The following MPZL2 variants were observed in gnomAD, a reference collection of about 807,000 sequenced individuals.
MPZL2 encodes myelin protein zero-like protein 2.
In MPZL2, 32 loss-of-function variants were observed where a neutral mutation model predicts 24.5. The ratio of observed to expected loss-of-function variants is 1.31; its 90% CI spans 0.99 to 1.76. The LOEUF (loss-of-function observed/expected upper bound fraction) is 1.76, where lower values mean the gene tolerates loss of function less well. Among genes scored for constraint, MPZL2 ranks in the 40% most tolerant of loss-of-function variants. MPZL2 has a pLI of 0.00. For synonymous variants in MPZL2, 92 were observed against 97.9 expected, an observed-to-expected ratio of 0.94 and a Z score of 0.36; for missense variants, 304 against 274.9, an observed-to-expected ratio of 1.11 and a Z score of -0.75.
chr11:118,262,188 C>T (rs553964150), intron 3 of MPZL2, among the ~76,000 whole-genome samples: 24 of 152,268 alleles, frequency 1.6e-4, no homozygotes, highest in African/African-American at 5.3e-4. Context: ...AATCTCAATG[C>T]CATTTTTGTA....
At position 118,254,657 on chromosome 11, in the gene MPZL2, C is replaced by T. The variant is rs1325777952; in HGVS notation, c.*589G>A. On this transcript the variant is annotated 3_prime_UTR_variant, in exon 6 of 6. Transcript: ENST00000278937. ...AATTAACAAAACAACAAAAATCTAT[C>T]ACCTGGAATATTGAAAGAAATTCAG... is the stretch of plus-strand genomic sequence containing the variant. 1.3e-5 allele frequency: 2 copies of T among 152,194 alleles called. No individual in the cohort carries two copies. The highest frequency in any genetic ancestry group is 2.9e-5 in the Non-Finnish European group (2 of 68,038). 9.4% of individuals were successfully genotyped at this position (152,194 alleles called of 1,614,324 possible).
In MPZL2 at chr11:118,262,458, C is replaced by T. The variant is rs75485914; in HGVS notation, c.416G>A (p.Arg139Gln). The T allele has an allele frequency of 1.1e-3, 1,740 of 1,614,018 alleles. 31 individuals carry two copies. The East Asian group carries it at 0.029, about 27-fold the overall frequency. The change falls in exon 3 of 6, where the codon CGG (arginine) becomes CAG (glutamine). Residue 139 changes from arginine to glutamine, a missense_variant. Physicochemically the swap from Arg to Gln is conservative, Grantham distance 43 (BLOSUM62 1). Coordinates refer to ENST00000278937, the MANE Select transcript of MPZL2 (RefSeq NM_005797.4). The part of the protein sequence containing the change: ...PDVDGVIGEI[R>Q]LSVVHTVRFS... ...CCTACCAGTGTGCACGACGCTGAGC[C>T]GGATCTCCCCTATCACCCCATCAAC... is the stretch of plus-strand genomic sequence containing the variant.
At chr11:118,261,556 C>A (rs1181250344) in intron 3 of MPZL2, among the ~76,000 whole-genome samples, 1 of 152,186 alleles carries the variant, frequency 6.6e-6, no homozygotes, top group African/African-American at 2.4e-5. Flanking sequence ...GGGACATATT[C>A]ACATTTATTA....
chr11:118,255,793 A>T (rs1485875736), intron 5 of MPZL2, among the ~76,000 whole-genome samples: 1 of 152,166 alleles, frequency 6.6e-6, no homozygotes, highest in Non-Finnish European at 1.5e-5. Context: ...ATACAAACTA[A>T]CAATAATTCC....
At chr11:118,255,768 C>A (rs563851884) in intron 5 of MPZL2, among the ~76,000 whole-genome samples, 13 of 152,088 alleles carry the variant, frequency 8.5e-5, no homozygotes, top group Non-Finnish European at 8.8e-5. Context: ...AACTACAATA[C>A]CATCACTATA....
rs757417021 is a variant in MPZL2 at position 118,263,088 on chromosome 11, G to C, written c.68C>G (p.Pro23Arg). Residue 23 changes from proline to arginine, a missense_variant, in exon 2 of 6, where the codon CCT (proline) becomes CGT (arginine). Pro to Arg is a moderately radical substitution (Grantham distance 103). Coordinates refer to ENST00000278937, the MANE Select transcript of MPZL2 (RefSeq NM_005797.4). The part of the protein sequence containing the change: ...LLGIQLTALW[P>R]IAAVEIYTSR... ...GGTATAAATTTCCACAGCTGCTATA[G>C]GCCAAAGAGCTGCAATGAAAAAGAA... is the stretch of plus-strand genomic sequence containing the variant. 2.9e-5 allele frequency: 47 copies of C among 1,613,276 alleles called. No individual in the cohort carries two copies. In the Admixed American group the frequency reaches 5.5e-4, roughly 19 times the overall value.
intron 5 of MPZL2, among the ~76,000 whole-genome samples, chr11:118,255,755 T>A (rs1397233702): frequency 6.6e-6 from 1 of 152,220 alleles, no homozygotes; most frequent in Non-Finnish European, 1.5e-5. Flanking sequence ...ACATTTTCTT[T>A]ATAACTACAA....
chr11:118,262,423 C>T lies in MPZL2; in HGVS notation c.436+15G>A, dbSNP rs373681195. The stretch of plus-strand genomic sequence containing the variant: ...TCTCATCCTTTCCAAAACCACTGTT[C>T]CCTGCATAACCTACCAGTGTGCACG... On this transcript the variant is annotated intron_variant, in intron 3 of 5. Transcript: ENST00000278937. 4 of 1,612,434 alleles carry T rather than the reference C, an allele frequency of 2.5e-6. No homozygotes were observed. The highest frequency in any genetic ancestry group is 1.7e-5 in the Admixed American group (1 of 60,006).
intron 3 of MPZL2, 35 bp downstream of exon 3, chr11:118,262,403 T>A: frequency 6.2e-7 from 1 of 1,603,120 alleles, no homozygotes. Flanking sequence ...CAAGCTCTCA[T>A]CCTTTCCAAA....
Position 118,262,499 on chromosome 11 carries a change from C to T in MPZL2, c.375G>A (p.Val125=), listed in dbSNP as rs1198678071. The T allele has an allele frequency of 3.7e-6, 6 of 1,614,178 alleles. No individual in the cohort carries two copies. In the South Asian group the frequency reaches 5.5e-5, roughly 15 times the overall value. The change falls in exon 3 of 6, where the codon GTG becomes GTA. Residue 125 remains valine, a synonymous_variant. Coordinates refer to ENST00000278937, the MANE Select transcript of MPZL2 (RefSeq NM_005797.4). ...FDDNGTYTCQ[V]KNPPDVDGVI... ...CCCCATCAACATCAGGTGGGTTCTT[C>T]ACCTGGCAGGTGTATGTCCCATTGT... is the stretch of plus-strand genomic sequence containing the variant.
chr11:118,255,988 A>G (rs1445801645), intron 5 of MPZL2, among the ~76,000 whole-genome samples: 2 of 152,142 alleles, frequency 1.3e-5, no homozygotes, highest in South Asian at 2.1e-4. Context: ...TTTATTTTCC[A>G]TGACCCCAAG....
chr11:118,257,394 A>AT lies in MPZL2; in HGVS notation c.585-82dup, dbSNP rs981993414. 5 of 1,157,566 alleles carry AT rather than the reference A, an allele frequency of 4.3e-6. No homozygotes were observed. In the African/African-American group the frequency reaches 4.7e-5, roughly 11 times the overall value. The allele number at this position is 1,157,566 out of a possible 1,614,324, so 71.7% of individuals were successfully genotyped here. ...ATCCCACAGAAGCTTCAGGTAAGGT[A>AT]TTTTTCCCCCATATTTTTGGAAGAA... On this transcript the variant is annotated intron_variant, in intron 4 of 5. Coordinates refer to ENST00000278937, the MANE Select transcript of MPZL2 (RefSeq NM_005797.4).
chr11:118,262,719 G>T, intron 2 of MPZL2, 71 bp from the exon 3 acceptor site: 1 of 1,494,216 alleles, frequency 6.7e-7, no homozygotes, highest in Non-Finnish European at 9.3e-7. Flanking sequence ...GGTGGGAGCG[G>T]AAGTGAAACA....
chr11:118,258,003 T>C (rs1381407607), intron 4 of MPZL2, among the ~76,000 whole-genome samples: 3 of 149,286 alleles, frequency 2.0e-5, no homozygotes, highest in African/African-American at 7.7e-5. Context: ...AGAGTGAAAG[T>C]CTGTCTCAAA....
chr11:118,259,988 C>A, intron 4 of MPZL2, 66 bp downstream of exon 4: 1 of 1,572,496 alleles, frequency 6.4e-7, no homozygotes, highest in Non-Finnish European at 8.7e-7. Flanking sequence ...AACTATTTAG[C>A]CCACTGCAAA....
chr11:118,262,932 A>C lies in MPZL2; in HGVS notation c.224T>G (p.Phe75Cys). 6.2e-7 allele frequency: 1 copy of C among 1,613,668 alleles called. No individual in the cohort carries two copies. The highest frequency in any genetic ancestry group is 8.5e-7 in the Non-Finnish European group (1 of 1,179,846). Reference protein sequence around the residue: ...FRPLDGGPEQFVFYYHIDPFQ... With the variant: ...FRPLDGGPEQCVFYYHIDPFQ... ...GGAAAATGATGATAATCTACTTACAAACTGCTCAGGTCCCCCGTCTAGAGG... is the reference window on the plus strand; with the variant it reads ...GGAAAATGATGATAATCTACTTACACACTGCTCAGGTCCCCCGTCTAGAGG... The change falls in exon 2 of 6, where the codon TTT (phenylalanine) becomes TGT (cysteine). Residue 75 changes from phenylalanine to cysteine, a missense_variant and splice_region_variant. By Grantham distance (205) the Phe-to-Cys change is radical. Transcript: ENST00000278937.
In MPZL2 at chr11:118,257,372, C is replaced by T. The variant is rs1179148040; in HGVS notation, c.585-59G>A. 3.7e-6 allele frequency: 5 copies of T among 1,369,102 alleles called. No individual in the cohort carries two copies. The African/African-American group carries it at 4.3e-5, about 12-fold the overall frequency. 84.8% of individuals were successfully genotyped at this position (1,369,102 alleles called of 1,614,324 possible). A position where few individuals can be genotyped will look rare whatever the true frequency, so the allele number is the denominator to read the frequency against. Reference sequence around the variant, plus strand: ...AAGACAAGAAGCAAGTGGGTAAATCCCACAGAAGCTTCAGGTAAGGTATTT... The same window carrying T: ...AAGACAAGAAGCAAGTGGGTAAATCTCACAGAAGCTTCAGGTAAGGTATTT... On this transcript the variant is annotated intron_variant, in intron 4 of 5. Coordinates refer to ENST00000278937, the MANE Select transcript of MPZL2 (RefSeq NM_005797.4).
At chr11:118,257,341 G>C (rs748824412) in intron 4 of MPZL2, 28 bp from the exon 5 acceptor site, 9 of 1,589,704 alleles carry the variant, frequency 5.7e-6, no homozygotes, top group Non-Finnish European at 7.8e-6. Context: ...CAAATGTCAG[G>C]TGAACAAGAC....
chr11:118,259,231 A>G (rs1170286389), intron 4 of MPZL2: 1 of 152,244 alleles, frequency 6.6e-6, no homozygotes, highest in Non-Finnish European at 1.5e-5. Context: ...TTATAGCAGC[A>G]TTAGTCACAA....
Sources: gnomAD v4.1 joint callset for allele counts (sites outside exome capture counted in the v4.1 genomes callset) on GRCh38, gnomAD v4.1.1 for gene constraint, MANE v1.5 for transcripts, NCBI Gene and HGNC (gene_info 2026-07-23, HGNC 2026-07-21) for gene names.